ERO1A: variants seen among roughly 807,000 people sequenced by gnomAD.
The protein encoded by ERO1A is endoplasmic reticulum oxidoreductase 1 alpha.
ERO1A carries 49 observed loss-of-function variants against 76.9 expected under a neutral mutation model. The observed-to-expected ratio is 0.64, with a 90% confidence interval of 0.51 to 0.81. The LOEUF is 0.81. ERO1A is among the 30% of genes least tolerant of loss of function. The pLI is 0.00. For missense variants in ERO1A, 448 were observed against 542.1 expected, an observed-to-expected ratio of 0.83 and a Z score of 1.72; for synonymous variants, 174 against 181.2, an observed-to-expected ratio of 0.96 and a Z score of 0.32.
At chr14:52,680,271 A>T (rs1245889870) in intron 3 of ERO1A, among the ~76,000 whole-genome samples, 1 of 152,084 alleles carries the variant, frequency 6.6e-6, no homozygotes. Context: ...TATATTTAAC[A>T]TTTCTCAAAT....
chr14:52,680,099 A>C (rs2040942787), intron 3 of ERO1A, among the ~76,000 whole-genome samples: 1 of 151,770 alleles, frequency 6.6e-6, no homozygotes, highest in Non-Finnish European at 1.5e-5. Flanking sequence ...AAAAAAAAAA[A>C]AAAACAAAGT....
intron 7 of ERO1A, among the ~76,000 whole-genome samples, chr14:52,664,991 C>T (rs970774872): frequency 3.3e-5 from 5 of 151,842 alleles, no homozygotes; most frequent in African/African-American, 1.2e-4. Flanking sequence ...CAGGGCCGGG[C>T]GTGGTGGCTC....
chr14:52,664,720 C>T (rs544490131), intron 7 of ERO1A, among the ~76,000 whole-genome samples: 2 of 150,334 alleles, frequency 1.3e-5, no homozygotes, highest in East Asian at 4.0e-4. Context: ...GAGACGGAGT[C>T]TCACTCTGTC....
At chr14:52,695,140 T>C (rs2041507113) in intron 1 of ERO1A, among the ~76,000 whole-genome samples, 1 of 152,140 alleles carries the variant, frequency 6.6e-6, no homozygotes, top group African/African-American at 2.4e-5. Context: ...CCAACCCCTC[T>C]CCTGGTCCGA....
Position 52,643,549 on chromosome 14 carries a change from G to T in ERO1A, c.*21C>A. ...TTTCGCCTCCATTGTCCAGAAACAG[G>T]CACATATCAGCTTGTTTTCTTTAAT... On this transcript the variant is annotated 3_prime_UTR_variant, in exon 16 of 16. Coordinates refer to ENST00000395686, the MANE Select transcript of ERO1A (RefSeq NM_014584.3). The T allele has an allele frequency of 2.8e-6, 4 of 1,447,718 alleles. No individual in the cohort carries two copies. The highest frequency in any genetic ancestry group is 3.7e-6 in the Non-Finnish European group (4 of 1,092,264). The allele number at this position is 1,447,718 out of a possible 1,614,324, so 89.7% of individuals were successfully genotyped here.
intron 6 of ERO1A, among the ~76,000 whole-genome samples, chr14:52,668,164 G>A (rs1339310223): frequency 1.3e-5 from 2 of 152,028 alleles, no homozygotes; most frequent in Non-Finnish European, 2.9e-5. Context: ...GTTCAGGAAT[G>A]GATAACTGTT....
At chr14:52,690,819 G>C (rs903110895) in intron 1 of ERO1A, among the ~76,000 whole-genome samples, 1 of 152,196 alleles carries the variant, frequency 6.6e-6, no homozygotes, top group Admixed American at 6.5e-5. Context: ...CCAGGCTGGA[G>C]TGTGATGGTG....
chr14:52,682,438 A>G (rs1218467886), intron 2 of ERO1A, 30 bp from the exon 3 acceptor site: 2 of 1,490,180 alleles, frequency 1.3e-6, no homozygotes, highest in Admixed American at 1.9e-5. Flanking sequence ...AAAAAATTAT[A>G]AAAATCAGAA....
chr14:52,653,857 G>A (rs1399899654), intron 11 of ERO1A, among the ~76,000 whole-genome samples: 2 of 151,858 alleles, frequency 1.3e-5, no homozygotes, highest in East Asian at 1.9e-4. Context: ...TTGAACATGT[G>A]GTCTCTCTGC....
At chr14:52,691,634 C>A (rs1235289944) in intron 1 of ERO1A, among the ~76,000 whole-genome samples, 1 of 152,198 alleles carries the variant, frequency 6.6e-6, no homozygotes, top group Non-Finnish European at 1.5e-5. Flanking sequence ...CAGGTTAAAT[C>A]TACTAAATGC....
chr14:52,658,698 T>A (rs761331150), intron 9 of ERO1A, among the ~76,000 whole-genome samples: 5 of 152,190 alleles, frequency 3.3e-5, no homozygotes, highest in Non-Finnish European at 7.4e-5. Context: ...GTCAATATAT[T>A]TAATGCCTAG....
In ERO1A at chr14:52,695,417, T is replaced by A; in HGVS notation, c.65A>T (p.His22Leu). Residue 22 changes from histidine to leucine, a missense_variant, in exon 1 of 16, where the codon CAC becomes CTC. Physicochemically the swap from His to Leu is moderately conservative, Grantham distance 99. Around this residue, in one of 2 missense-constraint regions of ERO1A, gnomAD observed 146 missense variants for 130.2 expected, o/e 1.12. Transcript: ENST00000395686. ...TGTCTCCGGGGGCTGCTCCTCTCCG[T>A]GGCCCGAGCTGAGCAGCCACACGGC... ...LGAVWLLSSGHGEEQPPETAA... is the reference protein window; with the variant it reads ...LGAVWLLSSGLGEEQPPETAA... 1 of 1,550,404 alleles carries A rather than the reference T, an allele frequency of 6.4e-7. No homozygotes were observed. Among genetic ancestry groups the A allele is most frequent in the Non-Finnish European group, 8.7e-7 (1 of 1,148,102 alleles).
intron 4 of ERO1A, 72 bp from the exon 5 acceptor site, chr14:52,671,943 A>C: frequency 9.9e-7 from 1 of 1,006,556 alleles, no homozygotes; most frequent in Non-Finnish European, 1.5e-6. Context: ...TTTAGAAGTT[A>C]TCTGAAGCTC....
In ERO1A at chr14:52,685,204, C is replaced by T. The variant is rs191568096; in HGVS notation, c.115-1297G>A. Among the ~76,000 whole-genome samples, 19 of 152,134 alleles carry T rather than the reference C, an allele frequency of 1.2e-4. No individual in the cohort carries two copies. The East Asian group carries it at 3.3e-3, about 26-fold the overall frequency. On this transcript the variant is annotated intron_variant, in intron 1 of 15. Coordinates refer to ENST00000395686, the MANE Select transcript of ERO1A (RefSeq NM_014584.3). ...CAAAAGAGTAATGGAAATTTTTCAC[C>T]TAAAAGAAATAAGAATACTTTGGAT...
At chr14:52,672,776 C>CAAAAAAAAAAAAAAAAA (rs1226719026) in intron 4 of ERO1A, among the ~76,000 whole-genome samples, 1 of 61,088 alleles carries the variant, frequency 1.6e-5, no homozygotes, top group Non-Finnish European at 3.5e-5. Flanking sequence ...TGTCTCTGAC[C>CAAAAAAAAAAAAAAAAA]AAAAAAAAAA....
At chr14:52,648,958 A>G (rs2039762994) in intron 13 of ERO1A, among the ~76,000 whole-genome samples, 1 of 152,218 alleles carries the variant, frequency 6.6e-6, no homozygotes, top group Non-Finnish European at 1.5e-5. Context: ...TTACTAGATC[A>G]AATTAGTAAA....
intron 3 of ERO1A, among the ~76,000 whole-genome samples, chr14:52,678,857 G>A (rs117598884): frequency 1.8e-3 from 272 of 152,210 alleles, no homozygotes; most frequent in Middle Eastern, 3.4e-3. Context: ...TTTCTGTGAT[G>A]GCCAGATATT....
At position 52,640,215 on chromosome 14, in the gene ERO1A, C is replaced by CA. The variant is rs2039427017; in HGVS notation, c.*3354dup. On this transcript the variant is annotated 3_prime_UTR_variant, in exon 16 of 16. Transcript: ENST00000395686. ...AATACAGTACGATTTAAGTGACATACAATAGAGGTAGGTTGTAATTACAGT... is the reference window on the plus strand; with the variant it reads ...AATACAGTACGATTTAAGTGACATACAAATAGAGGTAGGTTGTAATTACAGT... 6.6e-6 allele frequency: 1 copy of CA among 152,074 alleles called. No homozygotes were observed. Among genetic ancestry groups the CA allele is most frequent in the African/African-American group, 2.4e-5 (1 of 41,406 alleles). The allele number at this position is 152,074 out of a possible 1,614,324, so 9.4% of individuals were successfully genotyped here.
chr14:52,659,138 G>C (rs565521428), intron 9 of ERO1A, among the ~76,000 whole-genome samples: 1 of 152,156 alleles, frequency 6.6e-6, no homozygotes, highest in South Asian at 2.1e-4. Flanking sequence ...AAAGGGATTA[G>C]ATCCTAAATA....
Sources: gnomAD v4.1 joint callset for allele counts (sites outside exome capture counted in the v4.1 genomes callset) on GRCh38, gnomAD v4.1.1 for gene constraint, gnomAD v4.1.1 regional missense constraint, MANE v1.5 for transcripts, NCBI Gene and HGNC (gene_info 2026-07-23, HGNC 2026-07-21) for gene names.